Variants in MAP2 observed in about 807,000 individuals in gnomAD.
MAP2 encodes microtubule associated protein 2.
Under a neutral mutation model 137.6 loss-of-function variants are expected in MAP2, and 14 were observed. That is an observed-to-expected ratio of 0.10 (90% CI 0.07 to 0.16). MAP2 has a LOEUF of 0.16. Ranked by LOEUF, MAP2 falls within the 10% of genes least tolerant of loss-of-function variation. The pLI, the probability that MAP2 is intolerant of heterozygous loss-of-function variation, is 1.00. For missense variants in MAP2, 2,088 were observed against 2,191.5 expected (o/e 0.95, Z 0.94); for synonymous variants, 786 against 782.3 (o/e 1.00, Z -0.08).
intron 2 of MAP2, among the ~76,000 whole-genome samples, chr2:209,540,294 T>C (rs927155647): frequency 6.6e-6 from 1 of 151,744 alleles, no homozygotes; most frequent in Admixed American, 6.6e-5. Context: ...TTTTAGCATT[T>C]GTATAATGCA....
rs556650334 is a variant in MAP2 at position 209,733,723 on chromosome 2, G to A, written c.*3326G>A. 3.3e-5 allele frequency: 5 copies of A among 152,232 alleles called. No individual in the cohort carries two copies. Among genetic ancestry groups the A allele is most frequent in the South Asian group, 2.1e-4 (1 of 4,820 alleles). 9.4% of individuals were successfully genotyped at this position (152,232 alleles called of 1,614,324 possible). ...TTTAAGCATTCCTTCAAAGATTGAC[G>A]TGCTAAAATAAGCATTGATGTTTTG... On this transcript the variant is annotated 3_prime_UTR_variant, in exon 16 of 16. Coordinates refer to ENST00000682079, the MANE Select transcript of MAP2 (RefSeq NM_001375505.1).
chr2:209,701,290 A>G (rs2061688865), intron 11 of MAP2, among the ~76,000 whole-genome samples: 1 of 151,742 alleles, frequency 6.6e-6, no homozygotes, highest in South Asian at 2.1e-4. Context: ...TTATTTTAAA[A>G]TTTTATTTTG....
At chr2:209,491,808 C>G (rs573818572) in intron 1 of MAP2, among the ~76,000 whole-genome samples, 2 of 152,146 alleles carry the variant, frequency 1.3e-5, no homozygotes, top group East Asian at 3.9e-4. Context: ...AATTAATAGG[C>G]TACCAACCAA....
intron 2 of MAP2, among the ~76,000 whole-genome samples, chr2:209,569,688 A>T (rs2074070328): frequency 6.6e-6 from 1 of 151,862 alleles, no homozygotes; most frequent in Non-Finnish European, 1.5e-5. Context: ...AAATTTAACT[A>T]TTAAAAATGT....
At chr2:209,436,677 C>T (rs953079046) in intron 1 of MAP2, among the ~76,000 whole-genome samples, 1 of 151,810 alleles carries the variant, frequency 6.6e-6, no homozygotes, top group South Asian at 2.1e-4. Context: ...AGATTTCTCT[C>T]AAGTCAGAGC....
At chr2:209,624,257 A>C (rs947594263) in intron 3 of MAP2, among the ~76,000 whole-genome samples, 5 of 152,160 alleles carry the variant, frequency 3.3e-5, no homozygotes, top group Non-Finnish European at 7.4e-5. Context: ...AAAATCACAC[A>C]GGTCCTGACA....
intron 10 of MAP2, among the ~76,000 whole-genome samples, chr2:209,699,186 T>C (rs2153731507): frequency 6.6e-6 from 1 of 152,286 alleles, no homozygotes; most frequent in South Asian, 2.1e-4. Flanking sequence ...TCGTTTTCAC[T>C]GCTTCCTTAA....
rs1218818207 is a variant in MAP2 at position 209,477,192 on chromosome 2, ATGAAAG to A, written c.-221-30396_-221-30391del. Reference sequence around the variant, plus strand: ...GTGCTTTTCAGAAGATTTGGAAACAATGAAAGTGATCCATTCACTTTTTCATATACA... The same window carrying A: ...GTGCTTTTCAGAAGATTTGGAAACAATGATCCATTCACTTTTTCATATACA... On this transcript the variant is annotated intron_variant, in intron 1 of 15. Transcript: ENST00000682079. Among the ~76,000 whole-genome samples the A allele has an allele frequency of 2.0e-5, 3 of 152,250 alleles. No individual in the cohort carries two copies. The East Asian group carries it at 5.8e-4, about 29-fold the overall frequency.
intron 3 of MAP2, among the ~76,000 whole-genome samples, chr2:209,607,844 G>T (rs1406748511): frequency 1.3e-5 from 2 of 152,296 alleles, no homozygotes; most frequent in South Asian, 2.1e-4. Context: ...GAAAGCCCCA[G>T]TCTTAATTCT....
chr2:209,576,448 C>G (rs1485192681), intron 2 of MAP2, among the ~76,000 whole-genome samples: 3 of 151,760 alleles, frequency 2.0e-5, no homozygotes, highest in Admixed American at 2.0e-4. Flanking sequence ...TGGGGTTTCA[C>G]TATGGCCAGG....
At chr2:209,535,546 C>CTGGCAAAG (rs200799039) in intron 2 of MAP2, among the ~76,000 whole-genome samples, 4,029 of 149,792 alleles carry the variant, frequency 0.027, 187 homozygotes, top group African/African-American at 0.094. Flanking sequence ...CCCTTGCAGT[C>CTGGCAAAG]TGGCAAAGTG....
intron 2 of MAP2, among the ~76,000 whole-genome samples, chr2:209,541,132 G>T (rs2066957509): frequency 2.0e-5 from 3 of 151,064 alleles, no homozygotes; most frequent in Admixed American, 2.0e-4. Context: ...CCGGGTTCAA[G>T]CAATTCTCCT....
At chr2:209,681,805 T>G (rs2054688250) in intron 7 of MAP2, among the ~76,000 whole-genome samples, 1 of 152,202 alleles carries the variant, frequency 6.6e-6, no homozygotes. Flanking sequence ...TAGGTTCATT[T>G]AAAATATTCT....
At chr2:209,453,249 T>C (rs532185887) in intron 1 of MAP2, among the ~76,000 whole-genome samples, 3 of 152,318 alleles carry the variant, frequency 2.0e-5, no homozygotes, top group Middle Eastern at 3.4e-3. Context: ...TATTCTCTGC[T>C]TTAATGATGC....
Position 209,696,618 on chromosome 2 carries a change from A to T in MAP2, c.4257A>T (p.Arg1419Ser), listed in dbSNP as rs747759598. The T allele has an allele frequency of 1.9e-6, 3 of 1,613,876 alleles. No individual in the cohort carries two copies. Among genetic ancestry groups the T allele is most frequent in the Non-Finnish European group, 2.5e-6 (3 of 1,179,872 alleles). ...AGAAAGCTGAAAAGGAAGCTCGGAG[A>T]TCATCTCTTGAGAAACATAGAAAAG... ...KEEKAEKEARRSSLEKHRKEK... is the reference protein window; with the variant it reads ...KEEKAEKEARSSSLEKHRKEK... The change falls in exon 9 of 16, where the codon AGA becomes AGT. Residue 1419 changes from arginine (R) to serine (S), a missense_variant. Transcript: ENST00000682079.
Position 209,695,399 on chromosome 2 carries a change from G to T in MAP2, c.3229G>T (p.Asp1077Tyr). Residue 1077 changes from aspartate (D) to tyrosine (Y), a missense_variant, in exon 8 of 16, where the codon GAC (aspartate) becomes TAC (tyrosine). By Grantham distance (160) the Asp-to-Tyr change is radical. Coordinates refer to ENST00000682079, the MANE Select transcript of MAP2 (RefSeq NM_001375505.1). ...ATELKLEATQDMTPSSKAPQE... is the reference protein window; with the variant it reads ...ATELKLEATQYMTPSSKAPQE... ...AGAGCTAAAACTTGAGGCTACACAG[G>T]ACATGACCCCCTCATCCAAAGCACC... is the stretch of plus-strand genomic sequence containing the variant. 1 of 1,613,248 alleles carries T rather than the reference G, an allele frequency of 6.2e-7. No individual in the cohort carries two copies. The highest frequency in any genetic ancestry group is 8.5e-7 in the Non-Finnish European group (1 of 1,179,662).
At chr2:209,565,656 C>T (rs921163528) in intron 2 of MAP2, among the ~76,000 whole-genome samples, 2 of 152,046 alleles carry the variant, frequency 1.3e-5, no homozygotes, top group African/African-American at 4.8e-5. Flanking sequence ...TCACATTTGT[C>T]ATACAATTTT....
chr2:209,501,144 C>T (rs1234009522), intron 1 of MAP2, among the ~76,000 whole-genome samples: 1 of 151,520 alleles, frequency 6.6e-6, no homozygotes, highest in Non-Finnish European at 1.5e-5. Flanking sequence ...GTATTCCCAA[C>T]ATTTGTTTCT....
intron 2 of MAP2, among the ~76,000 whole-genome samples, chr2:209,543,558 T>A (rs1487895097): frequency 6.6e-6 from 1 of 152,234 alleles, no homozygotes; most frequent in Non-Finnish European, 1.5e-5. Context: ...TTTGCAATGC[T>A]GTATAGTATT....
Sources: allele counts gnomAD v4.1 joint callset (sites outside exome capture counted in the v4.1 genomes callset), GRCh38; gene constraint gnomAD v4.1.1; transcripts MANE v1.5; gene names NCBI Gene and HGNC (gene_info 2026-07-23, HGNC 2026-07-21).